Variants in SDK1 observed in about 807,000 individuals in gnomAD.
The protein encoded by SDK1 is protein sidekick-1.
In SDK1, 157 loss-of-function variants were observed where a neutral mutation model predicts 245.5. That is an observed-to-expected ratio of 0.64 (90% CI 0.56 to 0.73). SDK1 has a LOEUF of 0.73. SDK1 is among the 30% of genes least tolerant of loss of function. The probability of loss-of-function intolerance (pLI) is 0.00; values close to 1 mark genes in which losing one functional copy is unlikely to be tolerated. For synonymous variants in SDK1, 1,647 were observed against 1,278.5 expected, an observed-to-expected ratio of 1.29 and a Z score of -6.15; for missense variants, 3,583 against 3,002.3, an observed-to-expected ratio of 1.19 and a Z score of -4.52.
chr7:4,083,092 T>C (rs927951677), intron 22 of SDK1, among the ~76,000 whole-genome samples: 4 of 152,184 alleles, frequency 2.6e-5, no homozygotes, highest in African/African-American at 9.7e-5. Flanking sequence ...AACAGCTTTA[T>C]TGAGTTGCAA....
intron 1 of SDK1, among the ~76,000 whole-genome samples, chr7:3,504,352 G>C (rs556343663): frequency 6.6e-6 from 1 of 151,708 alleles, no homozygotes; most frequent in African/African-American, 2.4e-5. Context: ...ACCCAGAATG[G>C]CCAAACAGTA....
chr7:3,959,893 C>T (rs528915449), intron 8 of SDK1, among the ~76,000 whole-genome samples: 6 of 152,034 alleles, frequency 3.9e-5, no homozygotes, highest in Non-Finnish European at 8.8e-5. Context: ...TGCCCACTGT[C>T]ACCGTCTCAT....
chr7:4,017,117 C>G lies in SDK1; in HGVS notation c.2421-54C>G, dbSNP rs376465695. On this transcript the variant is annotated intron_variant, in intron 16 of 44. Coordinates refer to ENST00000404826, the MANE Select transcript of SDK1 (RefSeq NM_152744.4). ...CCTGCGGAATAACTGCGGGTAAACA[C>G]CGTTCCTGGGTCCAGTTATTTCCTT... The G allele has an allele frequency of 4.7e-5, 71 of 1,526,474 alleles. No homozygotes were observed. The African/African-American group carries it at 7.0e-4, about 15-fold the overall frequency. 94.6% of individuals were successfully genotyped at this position (1,526,474 alleles called of 1,614,324 possible). A position where few individuals can be genotyped will look rare whatever the true frequency, so the allele number is the denominator to read the frequency against.
At chr7:3,915,672 G>A (rs867338069) in intron 5 of SDK1, among the ~76,000 whole-genome samples, 3 of 152,254 alleles carry the variant, frequency 2.0e-5, no homozygotes, top group South Asian at 4.2e-4. Flanking sequence ...AGCAGCGTGA[G>A]AATGAGCTAA....
intron 1 of SDK1, among the ~76,000 whole-genome samples, chr7:3,398,417 AT>A (rs964113928): frequency 2.7e-5 from 4 of 150,488 alleles, no homozygotes; most frequent in South Asian, 2.1e-4. Flanking sequence ...GTTTCTTAGC[AT>A]TTTTTTTTCT....
At chr7:3,823,090 C>T (rs1228040183) in intron 5 of SDK1, among the ~76,000 whole-genome samples, 39 of 151,960 alleles carry the variant, frequency 2.6e-4, no homozygotes, top group Admixed American at 2.6e-3. Flanking sequence ...GAATGATGCA[C>T]GTGGATTAGG....
chr7:3,885,518 C>T (rs1583512616), intron 5 of SDK1, among the ~76,000 whole-genome samples: 1 of 152,292 alleles, frequency 6.6e-6, no homozygotes, highest in African/African-American at 2.4e-5. Context: ...TGGCTTTGTC[C>T]TATCAAGTCG....
chr7:3,987,043 G>A (rs1783906183), intron 13 of SDK1, 143 bp from the exon 14 acceptor site: 1 of 758,198 alleles, frequency 1.3e-6, no homozygotes, highest in Non-Finnish European at 2.2e-6. Flanking sequence ...GGGGAAGAGA[G>A]TTAATATTTG....
Position 3,672,756 on chromosome 7 carries a change from A to G in SDK1, c.713+30651A>G, listed in dbSNP as rs377191331. ...GTAATATATATTTTTATAATATATA[A>G]TTTTATATATATATATATATATATA... On this transcript the variant is annotated intron_variant, in intron 4 of 44. Transcript: ENST00000404826. 5.4e-5 allele frequency among the ~76,000 whole-genome samples: 2 copies of G among 37,106 alleles called. 1 individual carries two copies. The highest frequency in any genetic ancestry group is 7.5e-4 in the Admixed American group (2 of 2,670). The allele number at this position is 37,106 out of a possible 152,430, so 24.3% of individuals were successfully genotyped here.
intron 5 of SDK1, among the ~76,000 whole-genome samples, chr7:3,829,310 A>G (rs746931280): frequency 1.3e-5 from 2 of 152,222 alleles, no homozygotes; most frequent in Non-Finnish European, 2.9e-5. Flanking sequence ...AGATGTGATT[A>G]TAAATCACAC....
At chr7:3,924,625 C>T (rs1361897201) in intron 5 of SDK1, among the ~76,000 whole-genome samples, 7 of 152,292 alleles carry the variant, frequency 4.6e-5, no homozygotes, top group East Asian at 1.9e-4. Context: ...GCCAGCTTCC[C>T]GGAGAAACAG....
At chr7:3,634,380 A>G (rs992803299) in intron 2 of SDK1, among the ~76,000 whole-genome samples, 3 of 152,180 alleles carry the variant, frequency 2.0e-5, no homozygotes, top group Non-Finnish European at 4.4e-5. Flanking sequence ...GCTTTCTCCT[A>G]TTAGCAGAAA....
At chr7:3,522,828 TGGG>T (rs1782986877) in intron 1 of SDK1, among the ~76,000 whole-genome samples, 1 of 152,108 alleles carries the variant, frequency 6.6e-6, no homozygotes, top group Admixed American at 6.6e-5. Flanking sequence ...TCCATTTTGA[TGGG>T]GGGTGAGGTT....
At chr7:3,585,725 A>G (rs1310669168) in intron 1 of SDK1, among the ~76,000 whole-genome samples, 3 of 152,204 alleles carry the variant, frequency 2.0e-5, no homozygotes, top group South Asian at 4.1e-4. Context: ...GGTGGTTGCT[A>G]GACAGTACAT....
At chr7:3,440,901 G>A (rs1320990883) in intron 1 of SDK1, among the ~76,000 whole-genome samples, 1 of 152,184 alleles carries the variant, frequency 6.6e-6, no homozygotes, top group African/African-American at 2.4e-5. Flanking sequence ...TGACAGCAAT[G>A]TGTTGTGCCA....
intron 1 of SDK1, among the ~76,000 whole-genome samples, chr7:3,529,621 T>C (rs1457603967): frequency 6.6e-6 from 1 of 152,080 alleles, no homozygotes; most frequent in Non-Finnish European, 1.5e-5. Flanking sequence ...GTGAAAAAAA[T>C]CACCATTTGG....
At chr7:3,672,792 T>TAA (rs1554307142) in intron 4 of SDK1, among the ~76,000 whole-genome samples, 4 of 85,410 alleles carry the variant, frequency 4.7e-5, no homozygotes, top group East Asian at 6.5e-4. Context: ...TATATATATA[T>TAA]ATAAAAAATA....
At chr7:3,938,775 G>A (rs577704785) in intron 5 of SDK1, among the ~76,000 whole-genome samples, 4 of 152,058 alleles carry the variant, frequency 2.6e-5, no homozygotes, top group African/African-American at 7.3e-5. Context: ...CCTGTTTTAC[G>A]GTTTATCAAT....
chr7:4,114,378 C>T (rs1783558592), intron 25 of SDK1, 104 bp downstream of exon 25: 2 of 854,980 alleles, frequency 2.3e-6, no homozygotes, highest in Non-Finnish European at 3.6e-6. Context: ...TTGGCCTGTC[C>T]CACTTGTGTC....
Sources: gnomAD v4.1 joint callset for allele counts (sites outside exome capture counted in the v4.1 genomes callset) on GRCh38, gnomAD v4.1.1 for gene constraint, MANE v1.5 for transcripts, NCBI Gene and HGNC (gene_info 2026-07-23, HGNC 2026-07-21) for gene names.